The following PCDH7 variants were observed in gnomAD, a reference collection of about 807,000 sequenced individuals.
The protein encoded by PCDH7 is protocadherin 7.
PCDH7 carries 17 observed loss-of-function variants against 58.9 expected under a neutral mutation model. The observed-to-expected ratio is 0.29, with a 90% CI of 0.20 to 0.43. The LOEUF is 0.43. Ranked by LOEUF, PCDH7 falls within the 20% of genes least tolerant of loss-of-function variation. The pLI, the probability that PCDH7 is intolerant of heterozygous loss-of-function variation, is 1.00. For missense variants in PCDH7, 1,274 were observed against 1,441.0 expected, an observed-to-expected ratio of 0.88 and a Z score of 1.88; for synonymous variants, 664 against 616.4, an observed-to-expected ratio of 1.08 and a Z score of -1.14.
chr4:30,998,433 G>T (rs932278005), intron 3 of PCDH7, among the ~76,000 whole-genome samples: 1 of 152,136 alleles, frequency 6.6e-6, no homozygotes, highest in Non-Finnish European at 1.5e-5. Context: ...TTTTGTAGTT[G>T]TCTGACTGAG....
intron 2 of PCDH7, among the ~76,000 whole-genome samples, chr4:30,933,478 G>T (rs1025037590): frequency 1.3e-5 from 2 of 152,018 alleles, no homozygotes; most frequent in Non-Finnish European, 2.9e-5. Context: ...TCTAACTTAC[G>T]CTTGTTGTTA....
chr4:31,078,259 C>G (rs1759170196), intron 3 of PCDH7, among the ~76,000 whole-genome samples: 2 of 152,042 alleles, frequency 1.3e-5, no homozygotes, highest in Admixed American at 1.3e-4. Flanking sequence ...ATCTACCAGA[C>G]TCAAAGTACA....
At chr4:30,962,183 C>G (rs975969673) in intron 3 of PCDH7, among the ~76,000 whole-genome samples, 2 of 152,056 alleles carry the variant, frequency 1.3e-5, no homozygotes, top group Non-Finnish European at 2.9e-5. Context: ...TATGAAAGAC[C>G]ATTAAGGTCC....
intron 3 of PCDH7, among the ~76,000 whole-genome samples, chr4:31,002,982 C>T (rs1752476421): frequency 6.6e-6 from 1 of 152,148 alleles, no homozygotes; most frequent in South Asian, 2.1e-4. Context: ...ATGACTTTAT[C>T]TTAACACTTT....
At chr4:31,061,895 G>T (rs1196262785) in intron 3 of PCDH7, among the ~76,000 whole-genome samples, 1 of 151,642 alleles carries the variant, frequency 6.6e-6, no homozygotes, top group Admixed American at 6.6e-5. Flanking sequence ...CAGAGACTTT[G>T]TTTATTGAAT....
intron 1 of PCDH7, among the ~76,000 whole-genome samples, chr4:30,898,345 G>A (rs778377696): frequency 6.6e-6 from 1 of 152,032 alleles, no homozygotes; most frequent in Non-Finnish European, 1.5e-5. Context: ...GTTAAATTGC[G>A]GCAGGCATCA....
At chr4:31,023,615 A>C (rs1754201098) in intron 3 of PCDH7, among the ~76,000 whole-genome samples, 1 of 152,190 alleles carries the variant, frequency 6.6e-6, no homozygotes, top group South Asian at 2.1e-4. Context: ...TAAGTATGAT[A>C]ATGATCTGAC....
At chr4:30,730,595 C>A (rs980829080) in intron 1 of PCDH7, among the ~76,000 whole-genome samples, 4 of 152,212 alleles carry the variant, frequency 2.6e-5, no homozygotes, top group South Asian at 4.1e-4. Context: ...CCCCCACCCC[C>A]CAAGTGTATT....
chr4:31,108,066 T>A (rs956369087), intron 3 of PCDH7, among the ~76,000 whole-genome samples: 1 of 152,026 alleles, frequency 6.6e-6, no homozygotes, highest in Non-Finnish European at 1.5e-5. Flanking sequence ...CAAAGAAAAC[T>A]ACAGAAAAGG....
intron 2 of PCDH7, among the ~76,000 whole-genome samples, chr4:30,926,316 C>A (rs1743865484): frequency 6.6e-6 from 1 of 151,886 alleles, no homozygotes; most frequent in African/African-American, 2.4e-5. Context: ...TCCAGAGTAG[C>A]TGGGACTATA....
intron 2 of PCDH7, among the ~76,000 whole-genome samples, chr4:30,938,884 G>A (rs1745688493): frequency 6.6e-6 from 1 of 152,078 alleles, no homozygotes; most frequent in Admixed American, 6.6e-5. Context: ...TAAGATTTTA[G>A]TTTCCTAATT....
chr4:30,980,684 T>G (rs1478124817), intron 3 of PCDH7, among the ~76,000 whole-genome samples: 3 of 152,164 alleles, frequency 2.0e-5, no homozygotes, highest in Non-Finnish European at 4.4e-5. Context: ...GCCTCTAATA[T>G]CTACATTTGA....
At chr4:30,869,667 T>C (rs555679868) in intron 1 of PCDH7, among the ~76,000 whole-genome samples, 1 of 152,240 alleles carries the variant, frequency 6.6e-6, no homozygotes, top group Admixed American at 6.5e-5. Context: ...CCACAGTTTC[T>C]TTATCCAGTC....
At chr4:31,097,693 T>C (rs1714333516) in intron 3 of PCDH7, among the ~76,000 whole-genome samples, 1 of 144,374 alleles carries the variant, frequency 6.9e-6, no homozygotes. Context: ...CAATTTTATG[T>C]TGTTGTTGTC....
At position 31,081,413 on chromosome 4, in the gene PCDH7, G is replaced by T. The variant is rs1188174544; in HGVS notation, c.*8-61060G>T. Among the ~76,000 whole-genome samples the T allele has an allele frequency of 2.0e-5, 3 of 152,020 alleles. No homozygotes were observed. The East Asian group carries it at 5.8e-4, about 29-fold the overall frequency. On this transcript the variant is annotated intron_variant, in intron 3 of 3. Transcript: ENST00000509759. ...TAACCATATATTATATGCACATTTT[G>T]ATCATTCTTATATAACATTTTATAA...
chr4:30,967,768 G>T (rs954115388), intron 3 of PCDH7, among the ~76,000 whole-genome samples: 1 of 152,090 alleles, frequency 6.6e-6, no homozygotes, highest in African/African-American at 2.4e-5. Flanking sequence ...AAGAAATGAG[G>T]TATCCATAGT....
intron 3 of PCDH7, among the ~76,000 whole-genome samples, chr4:31,034,018 C>T (rs993516521): frequency 1.3e-5 from 2 of 151,994 alleles, no homozygotes; most frequent in African/African-American, 2.4e-5. Flanking sequence ...TGCTTGAGTC[C>T]GGGAGGCAGA....
intron 1 of PCDH7, among the ~76,000 whole-genome samples, chr4:30,915,449 C>T (rs1032920606): frequency 2.0e-5 from 3 of 152,122 alleles, no homozygotes; most frequent in Non-Finnish European, 1.5e-5. Context: ...CATAGGATTG[C>T]CTTTCTGGAA....
At chr4:30,850,544 G>T (rs76615551) in intron 1 of PCDH7, among the ~76,000 whole-genome samples, 1 of 152,084 alleles carries the variant, frequency 6.6e-6, no homozygotes. Context: ...TTTATTAGGT[G>T]GAGGGGGGAG....
Sources: gnomAD v4.1 joint callset for allele counts (sites outside exome capture counted in the v4.1 genomes callset) on GRCh38, gnomAD v4.1.1 for gene constraint, MANE v1.5 for transcripts, NCBI Gene and HGNC (gene_info 2026-07-23, HGNC 2026-07-21) for gene names.